The following NLRP7 variants were observed in gnomAD, a reference collection of about 807,000 sequenced individuals.
NLRP7 encodes the protein NLR family pyrin domain containing 7.
NLRP7 carries 72 observed loss-of-function variants against 85.5 expected under a neutral mutation model. The ratio of observed to expected loss-of-function variants is 0.84; its 90% CI spans 0.70 to 1.02. The LOEUF is 1.02. Among genes scored for constraint, NLRP7 ranks in the 50% least tolerant of loss-of-function variants. NLRP7 has a pLI of 0.00. For synonymous variants in NLRP7, 550 were observed against 505.2 expected (o/e 1.09, Z -1.19); for missense variants, 1,243 against 1,219.5 (o/e 1.02, Z -0.29).
chr19:54,938,135 G>C, exon 5 of NLRP7: 1 of 1,614,050 alleles, frequency 6.2e-7, no homozygotes, highest in South Asian at 1.1e-5. Context: ...TTCACTTCCA[G>C]AAACTTGAGG....
At chr19:54,939,603 C>G in exon 4 of NLRP7, 1 of 1,610,986 alleles carries the variant, frequency 6.2e-7, no homozygotes, top group Non-Finnish European at 8.5e-7. Flanking sequence ...CGCAGCTGTG[C>G]GCCCTGCGGG....
At chr19:54,936,177 G>T in intron 6 of NLRP7, 84 bp downstream of exon 6, 6 of 1,229,644 alleles carry the variant, frequency 4.9e-6, no homozygotes, top group Non-Finnish European at 7.2e-6. Flanking sequence ...GGCATCTGGA[G>T]TGGTTACCCT....
At chr19:54,923,721 T>C (rs2068314487) in exon 10 of NLRP7, 2 of 1,612,258 alleles carry the variant, frequency 1.2e-6, no homozygotes, top group East Asian at 2.2e-5. Context: ...GTGTAATTCG[T>C]AGAGCGATCC....
chr19:54,953,747 A>T (rs1314990230), intron 1 of NLRP7, among the ~76,000 whole-genome samples: 2 of 151,950 alleles, frequency 1.3e-5, no homozygotes, highest in East Asian at 1.9e-4. Flanking sequence ...TCACACCTGT[A>T]ATCCCAGCAC....
exon 8 of NLRP7, chr19:54,933,667 C>G (rs2068769486): frequency 6.2e-7 from 1 of 1,614,178 alleles, no homozygotes; most frequent in Non-Finnish European, 8.5e-7. Flanking sequence ...ACAGGTGTGT[C>G]AGCTTCTTGC....
chr19:54,940,308 G>A (rs1406030074), exon 4 of NLRP7: 1 of 1,614,080 alleles, frequency 6.2e-7, no homozygotes, highest in Admixed American at 1.7e-5. Flanking sequence ...ACCGTGTAAG[G>A]TGTTAGCTTC....
At chr19:54,955,810 C>T (rs1420090353) in intron 1 of NLRP7, among the ~76,000 whole-genome samples, 1 of 151,804 alleles carries the variant, frequency 6.6e-6, no homozygotes, top group Non-Finnish European at 1.5e-5. Flanking sequence ...TCCTCAACCT[C>T]CTGGGTTCAA....
intron 1 of NLRP7, among the ~76,000 whole-genome samples, chr19:54,957,734 T>C (rs2069905486): frequency 6.6e-6 from 1 of 152,184 alleles, no homozygotes. Flanking sequence ...GGGACTCCTG[T>C]GCATACATAA....
chr19:54,931,975 G>T (rs906959544), intron 8 of NLRP7, among the ~76,000 whole-genome samples: 5 of 152,036 alleles, frequency 3.3e-5, no homozygotes, highest in African/African-American at 1.2e-4. Flanking sequence ...CTTATTTTCT[G>T]CGTGGTTAGA....
At chr19:54,925,269 C>T (rs879259338) in intron 9 of NLRP7, among the ~76,000 whole-genome samples, 2 of 152,156 alleles carry the variant, frequency 1.3e-5, no homozygotes, top group Admixed American at 6.6e-5. Flanking sequence ...GGTGGCATTA[C>T]AGACCTCGGT....
In NLRP7 at chr19:54,934,686, C is replaced by T. The variant is rs1360310902; in HGVS notation, c.2301-27G>A. On this transcript the variant is annotated intron_variant, in intron 6 of 9. Coordinates refer to ENST00000340844, the Ensembl canonical transcript of NLRP7. The surrounding 1 kb of genome is among the most constrained non-coding windows in gnomAD (Gnocchi z 6.7). ...TGTGAAAAGAGTGGGAAAAGTCATTCTTCTGGGAGGACAGAGTATACCCTA... is the reference window on the plus strand; with the variant it reads ...TGTGAAAAGAGTGGGAAAAGTCATTTTTCTGGGAGGACAGAGTATACCCTA... 6 of 1,597,310 alleles carry T rather than the reference C, an allele frequency of 3.8e-6. No individual in the cohort carries two copies. The highest frequency in any genetic ancestry group is 8.5e-7 in the Non-Finnish European group (1 of 1,169,834).
chr19:54,935,290 C>T (rs569419793), intron 6 of NLRP7, among the ~76,000 whole-genome samples: 2 of 152,114 alleles, frequency 1.3e-5, no homozygotes, highest in African/African-American at 4.8e-5. Flanking sequence ...AGTGCAGTGG[C>T]ATGATCACAG....
chr19:54,925,649 T>C (rs890782662), intron 9 of NLRP7, among the ~76,000 whole-genome samples: 1 of 152,084 alleles, frequency 6.6e-6, no homozygotes, highest in Non-Finnish European at 1.5e-5. Context: ...AGCAAAACGT[T>C]GTCTCAGAAA....
Position 54,963,888 on chromosome 19 carries a change from T to C in NLRP7, c.-77+2152A>G, listed in dbSNP as rs887136820. On this transcript the variant is annotated intron_variant, in intron 1 of 2. Transcript: ENST00000587103. ...AAAGCTATAAAACCCAACTTTTTTCTTTTTTTTTTTGAGACGGAGTCTCAC... is the reference window on the plus strand; with the variant it reads ...AAAGCTATAAAACCCAACTTTTTTCCTTTTTTTTTTGAGACGGAGTCTCAC... 8.2e-4 allele frequency among the ~76,000 whole-genome samples: 80 copies of C among 97,410 alleles called. 1 individual carries two copies. Among genetic ancestry groups the C allele is most frequent in the African/African-American group, 2.6e-3 (74 of 27,980 alleles). 63.9% of individuals were successfully genotyped at this position (97,410 alleles called of 152,430 possible).
At chr19:54,938,834 A>G (rs1462091608) in intron 4 of NLRP7, 54 bp downstream of exon 4, 2 of 1,597,340 alleles carry the variant, frequency 1.3e-6, no homozygotes, top group African/African-American at 2.7e-5. Context: ...CGACAGGGCA[A>G]AGGAGACGCT....
At chr19:54,942,162 A>G (rs2146232857) in intron 1 of NLRP7, among the ~76,000 whole-genome samples, 1 of 143,056 alleles carries the variant, frequency 7.0e-6, no homozygotes, top group South Asian at 2.3e-4. Context: ...AGGCTGAGGC[A>G]GGAGAATGGT....
Position 54,934,432 on chromosome 19 carries a change from T to G in NLRP7, c.2471+57A>C. ...GGCGCAGTAAGTCAGGTGTTACCCT[T>G]TCTCTTCTATAGCCCCAGAACTAAA... On this transcript the variant is annotated intron_variant, in intron 7 of 9. Coordinates refer to ENST00000340844, the Ensembl canonical transcript of NLRP7. This position sits in a 1 kb window ranked among gnomAD's most constrained non-coding sequence, Gnocchi z 6.7. The G allele has an allele frequency of 6.3e-7, 1 of 1,578,690 alleles. No homozygotes were observed. The highest frequency in any genetic ancestry group is 8.7e-7 in the Non-Finnish European group (1 of 1,147,642).
chr19:54,937,762 T>C (rs1393151278), intron 5 of NLRP7, among the ~76,000 whole-genome samples: 1 of 151,604 alleles, frequency 6.6e-6, no homozygotes, highest in Non-Finnish European at 1.5e-5. Flanking sequence ...CCGGGCAAGG[T>C]GGCACATGCC....
At chr19:54,946,468 T>TACAG (rs2069478547) in intron 1 of NLRP7, among the ~76,000 whole-genome samples, 1 of 150,736 alleles carries the variant, frequency 6.6e-6, no homozygotes, top group Admixed American at 6.6e-5. Flanking sequence ...GTGCTGGGAT[T>TACAG]ACAGGCGTGA....
Sources: gnomAD v4.1 joint callset for allele counts (sites outside exome capture counted in the v4.1 genomes callset) on GRCh38, gnomAD v4.1.1 for gene constraint, Gnocchi (gnomAD v3.1) non-coding constraint, MANE v1.5 for transcripts, NCBI Gene and HGNC (gene_info 2026-07-23, HGNC 2026-07-21) for gene names.